Variants in CCDC7 observed in about 807,000 individuals in gnomAD.
The protein encoded by CCDC7 is coiled-coil domain containing 7.
Under a neutral mutation model 196.9 loss-of-function variants are expected in CCDC7, and 183 were observed. That is an observed-to-expected ratio of 0.93 (90% confidence interval 0.82 to 1.05). The LOEUF (loss-of-function observed/expected upper bound fraction) is 1.05, where lower values mean the gene tolerates loss of function less well. Among genes scored for constraint, CCDC7 ranks in the 50% least tolerant of loss-of-function variants. The pLI, the probability that CCDC7 is intolerant of heterozygous loss-of-function variation, is 0.00. For synonymous variants in CCDC7, 525 were observed against 484.6 expected, an observed-to-expected ratio of 1.08 and a Z score of -1.10; for missense variants, 1,540 against 1,482.2, an observed-to-expected ratio of 1.04 and a Z score of -0.64.
chr10:32,870,627 C>A (rs2094393937), intron 41 of CCDC7, among the ~76,000 whole-genome samples: 3 of 152,098 alleles, frequency 2.0e-5, no homozygotes, highest in South Asian at 4.1e-4. Context: ...GAACTTCCAA[C>A]ACTATGTTGA....
At chr10:32,775,058 T>A (rs1213077186) in intron 28 of CCDC7, among the ~76,000 whole-genome samples, 2 of 152,218 alleles carry the variant, frequency 1.3e-5, no homozygotes, top group African/African-American at 4.8e-5. Context: ...TAGGAATCTC[T>A]GTCTCAAGCA....
chr10:32,633,246 C>A (rs2065131554), intron 18 of CCDC7, among the ~76,000 whole-genome samples: 1 of 152,114 alleles, frequency 6.6e-6, no homozygotes, highest in Non-Finnish European at 1.5e-5. Context: ...CATTCATACA[C>A]ACATGTTCTT....
intron 28 of CCDC7, among the ~76,000 whole-genome samples, chr10:32,758,084 G>T (rs947855768): frequency 6.6e-6 from 1 of 152,078 alleles, no homozygotes; most frequent in Non-Finnish European, 1.5e-5. Flanking sequence ...CCAGTAACAG[G>T]CTCTGAAATG....
intron 18 of CCDC7, among the ~76,000 whole-genome samples, chr10:32,602,325 A>G (rs1180520632): frequency 2.0e-5 from 3 of 151,926 alleles, no homozygotes; most frequent in Non-Finnish European, 4.4e-5. Flanking sequence ...TGGACACACC[A>G]TCTTTAAGAG....
chr10:32,769,181 C>T (rs2134030021), intron 28 of CCDC7, among the ~76,000 whole-genome samples: 2 of 152,162 alleles, frequency 1.3e-5, no homozygotes, highest in East Asian at 3.9e-4. Context: ...TTCAATCTTA[C>T]TACTCCTTAT....
chr10:32,631,493 CTA>C (rs2064853759), intron 18 of CCDC7, among the ~76,000 whole-genome samples: 2 of 152,084 alleles, frequency 1.3e-5, no homozygotes, highest in African/African-American at 2.4e-5. Context: ...ACTCTCAATT[CTA>C]TTGCATTTAT....
exon 13 of CCDC7, chr10:32,544,278 AAAG>A (rs1262699114): frequency 6.8e-6 from 11 of 1,609,454 alleles, no homozygotes; most frequent in Admixed American, 5.0e-5. Context: ...GTTTAAAATA[AAAG>A]AAGATTTGGA....
exon 9 of CCDC7, chr10:32,491,933 T>G: frequency 6.4e-7 from 1 of 1,574,472 alleles, no homozygotes; most frequent in Non-Finnish European, 8.6e-7. Context: ...AACTGCTCAT[T>G]CAATGACTAA....
chr10:32,640,961 G>A (rs1439940465), intron 20 of CCDC7, among the ~76,000 whole-genome samples: 2 of 145,744 alleles, frequency 1.4e-5, no homozygotes, highest in African/African-American at 2.5e-5. Context: ...TGCCATGCTG[G>A]TGCGCTGCAC....
In CCDC7 at chr10:32,848,179, CT is replaced by C. The variant is rs2093392671; in HGVS notation, c.3772+267del. On this transcript the variant is annotated intron_variant, in intron 38 of 41. Coordinates refer to ENST00000639629, the Ensembl canonical transcript of CCDC7. The stretch of plus-strand genomic sequence containing the variant: ...ATGTTTTCTACAATAATCCATGTTA[CT>C]TTTATAGCAATAGAATTTATGAAAA... 2.0e-5 allele frequency among the ~76,000 whole-genome samples: 3 copies of C among 152,180 alleles called. No homozygotes were observed. In the South Asian group the frequency reaches 6.2e-4, roughly 32 times the overall value.
chr10:32,500,576 C>T (rs61090788), intron 9 of CCDC7, among the ~76,000 whole-genome samples: 7,861 of 151,202 alleles, frequency 0.052, 671 homozygotes, highest in African/African-American at 0.18. Flanking sequence ...GGCGGCCGGG[C>T]AGAGGGGCTC....
chr10:32,779,977 C>G (rs562741072), intron 29 of CCDC7, among the ~76,000 whole-genome samples: 5 of 152,282 alleles, frequency 3.3e-5, no homozygotes, highest in African/African-American at 1.2e-4. Context: ...CAGTGGCTCA[C>G]GCCTGTAATC....
intron 29 of CCDC7, among the ~76,000 whole-genome samples, chr10:32,795,086 A>T (rs1291004331): frequency 6.6e-6 from 1 of 152,182 alleles, no homozygotes; most frequent in Non-Finnish European, 1.5e-5. Context: ...GTTTTCTCTG[A>T]CTTTCCTATA....
intron 21 of CCDC7, among the ~76,000 whole-genome samples, chr10:32,665,542 C>T (rs1391508396): frequency 6.6e-6 from 1 of 151,950 alleles, no homozygotes; most frequent in African/African-American, 2.4e-5. Flanking sequence ...TCTAGTTTTT[C>T]AACACCATTG....
chr10:32,664,399 AAT>A lies in CCDC7; in HGVS notation c.2122+241_2122+242del, dbSNP rs577490024. Reference sequence around the variant, plus strand: ...TTAAAATTTCTCTTAGCAATTTTGCAATATGTTATTATTAACAGTACTCATGA... The same window carrying A: ...TTAAAATTTCTCTTAGCAATTTTGCAATGTTATTATTAACAGTACTCATGA... On this transcript the variant is annotated intron_variant, in intron 21 of 41. Coordinates refer to ENST00000639629, the Ensembl canonical transcript of CCDC7. Among the ~76,000 whole-genome samples, 768 of 152,134 alleles carry A rather than the reference AAT, an allele frequency of 5.0e-3. 1 individual carries two copies. Among genetic ancestry groups the A allele is most frequent in the African/African-American group, 0.017 (718 of 41,546 alleles).
At chr10:32,875,998 T>A (rs775109867) in intron 41 of CCDC7, among the ~76,000 whole-genome samples, 1 of 151,972 alleles carries the variant, frequency 6.6e-6, no homozygotes. Context: ...AGCATGGGCA[T>A]CGCCTGGGAA....
chr10:32,811,199 A>G (rs1480138743), intron 30 of CCDC7, among the ~76,000 whole-genome samples: 1 of 152,090 alleles, frequency 6.6e-6, no homozygotes, highest in East Asian at 1.9e-4. Flanking sequence ...ACTTAAGCAA[A>G]GGATCAACCA....
intron 28 of CCDC7, among the ~76,000 whole-genome samples, chr10:32,750,759 T>C (rs1481685096): frequency 4.6e-5 from 7 of 152,202 alleles, no homozygotes; most frequent in South Asian, 2.1e-4. Context: ...AAATAAGAGA[T>C]GTCTTCTCAG....
rs961938708 is a variant in CCDC7 at position 32,671,241 on chromosome 10, A to G, written c.2122+7080A>G. Among the ~76,000 whole-genome samples the G allele has an allele frequency of 2.6e-5, 4 of 152,302 alleles. No homozygotes were observed. In the South Asian group the frequency reaches 6.2e-4, roughly 24 times the overall value. On this transcript the variant is annotated intron_variant, in intron 21 of 41. Coordinates refer to ENST00000639629, the Ensembl canonical transcript of CCDC7. ...GCTACCTTGATGGTAAGTATTCTAT[A>G]CAGGTATATCAGTTTTAAAACCTTT...
Sources: gnomAD v4.1 joint callset for allele counts (sites outside exome capture counted in the v4.1 genomes callset) on GRCh38, gnomAD v4.1.1 for gene constraint, MANE v1.5 for transcripts, NCBI Gene and HGNC (gene_info 2026-07-23, HGNC 2026-07-21) for gene names.